KCTD8: variants seen among roughly 807,000 people sequenced by gnomAD.
The protein encoded by KCTD8 is BTB/POZ domain-containing protein KCTD8.
KCTD8 carries 27 observed loss-of-function variants against 31.5 expected under a neutral mutation model. That is an observed-to-expected ratio of 0.86 (90% confidence interval 0.63 to 1.18). The LOEUF (loss-of-function observed/expected upper bound fraction) is 1.18. Among genes scored for constraint, KCTD8 ranks in the 50% most tolerant of loss-of-function variants. The probability of loss-of-function intolerance (pLI) is 0.00; values close to 1 mark genes in which losing one functional copy is unlikely to be tolerated. For synonymous variants in KCTD8, 290 were observed against 280.0 expected (o/e 1.04, Z -0.36); for missense variants, 658 against 647.7 (o/e 1.02, Z -0.17).
chr4:44,215,951 T>C (rs2109345703), intron 1 of KCTD8, among the ~76,000 whole-genome samples: 1 of 152,244 alleles, frequency 6.6e-6, no homozygotes, highest in African/African-American at 2.4e-5. Flanking sequence ...TATGGTGAGG[T>C]ACAGAAGGAG....
chr4:44,227,532 G>C (rs1268444139), intron 1 of KCTD8, among the ~76,000 whole-genome samples: 2 of 152,136 alleles, frequency 1.3e-5, no homozygotes, highest in African/African-American at 4.8e-5. Context: ...ATTGATTTAA[G>C]TGGGATCAAG....
At chr4:44,349,354 G>A (rs543864970) in intron 1 of KCTD8, among the ~76,000 whole-genome samples, 3 of 152,194 alleles carry the variant, frequency 2.0e-5, no homozygotes, top group African/African-American at 7.2e-5. Context: ...CTGGGCAGGG[G>A]GCACCTCAGA....
At chr4:44,349,968 G>A (rs888524696) in intron 1 of KCTD8, among the ~76,000 whole-genome samples, 1 of 152,086 alleles carries the variant, frequency 6.6e-6, no homozygotes, top group African/African-American at 2.4e-5. Context: ...AGAGAGACAA[G>A]CTTCAGAATA....
chr4:44,393,470 G>T (rs532993606), intron 1 of KCTD8, among the ~76,000 whole-genome samples: 1 of 150,734 alleles, frequency 6.6e-6, no homozygotes, highest in African/African-American at 2.4e-5. Context: ...TGCCAATAAC[G>T]TTGGTAAATG....
intron 1 of KCTD8, among the ~76,000 whole-genome samples, chr4:44,384,320 T>C (rs1343611629): frequency 6.6e-6 from 1 of 151,808 alleles, no homozygotes; most frequent in Non-Finnish European, 1.5e-5. Context: ...TGGGTGTGTA[T>C]TCAGTATGCC....
chr4:44,179,448 C>T (rs1713312033), intron 1 of KCTD8, among the ~76,000 whole-genome samples: 1 of 149,804 alleles, frequency 6.7e-6, no homozygotes, highest in African/African-American at 2.4e-5. Flanking sequence ...AATAGTTATA[C>T]ACATTAATTA....
chr4:44,425,891 C>T (rs1485948467), intron 1 of KCTD8, among the ~76,000 whole-genome samples: 1 of 151,838 alleles, frequency 6.6e-6, no homozygotes, highest in Non-Finnish European at 1.5e-5. Context: ...ATCTCCTGGA[C>T]ATTGTCTTGC....
chr4:44,393,943 C>T (rs1307266330), intron 1 of KCTD8, among the ~76,000 whole-genome samples: 1 of 151,776 alleles, frequency 6.6e-6, no homozygotes, highest in Non-Finnish European at 1.5e-5. Flanking sequence ...TGTATATTTA[C>T]AGCTCTCTGA....
chr4:44,392,715 C>T (rs13107105), intron 1 of KCTD8, among the ~76,000 whole-genome samples: 125,039 of 151,838 alleles, frequency 0.82, 51,680 homozygotes, highest in South Asian at 0.88. Context: ...TAATCCCAAA[C>T]GGCACATATA....
intron 1 of KCTD8, among the ~76,000 whole-genome samples, chr4:44,185,266 AATCT>A (rs3068744): frequency 0.12 from 18,075 of 152,126 alleles, 1,413 homozygotes; most frequent in East Asian, 0.36. Flanking sequence ...GCAACTGTTG[AATCT>A]ATCTATTCAT....
intron 1 of KCTD8, among the ~76,000 whole-genome samples, chr4:44,326,204 C>G (rs2046855): frequency 0.5 from 76,145 of 151,432 alleles, 19,900 homozygotes; most frequent in African/African-American, 0.63. Flanking sequence ...GAAGTTTTTC[C>G]TATTTTTTTC....
intron 1 of KCTD8, among the ~76,000 whole-genome samples, chr4:44,233,854 TAAAG>T (rs1715196582): frequency 6.6e-6 from 1 of 152,236 alleles, no homozygotes; most frequent in African/African-American, 2.4e-5. Context: ...ACTATTTTAA[TAAAG>T]AAACAGTCTG....
chr4:44,301,835 G>A (rs1717633305), intron 1 of KCTD8, among the ~76,000 whole-genome samples: 3 of 152,104 alleles, frequency 2.0e-5, no homozygotes, highest in Admixed American at 2.0e-4. Flanking sequence ...TTCTTCTAGG[G>A]TTTCTATGGT....
intron 1 of KCTD8, among the ~76,000 whole-genome samples, chr4:44,394,639 G>C (rs73247528): frequency 0.15 from 22,669 of 151,716 alleles, 1,877 homozygotes; most frequent in Non-Finnish European, 0.19. Flanking sequence ...AATTCAAATC[G>C]GATAATTTGA....
At chr4:44,286,521 T>C (rs1717075184) in intron 1 of KCTD8, among the ~76,000 whole-genome samples, 1 of 152,110 alleles carries the variant, frequency 6.6e-6, no homozygotes, top group Non-Finnish European at 1.5e-5. Context: ...CCACCTTGTT[T>C]CTCACTTATA....
chr4:44,295,856 A>T (rs1717414593), intron 1 of KCTD8, among the ~76,000 whole-genome samples: 1 of 152,198 alleles, frequency 6.6e-6, no homozygotes, highest in African/African-American at 2.4e-5. Context: ...GCAATATGCA[A>T]TTATTAATAT....
intron 1 of KCTD8, among the ~76,000 whole-genome samples, chr4:44,429,427 C>T (rs1721419236): frequency 6.6e-6 from 1 of 151,690 alleles, no homozygotes; most frequent in South Asian, 2.1e-4. Context: ...GAAAGAAGTA[C>T]CTACTGGATT....
chr4:44,212,100 G>T (rs1266257735), intron 1 of KCTD8, among the ~76,000 whole-genome samples: 1 of 152,154 alleles, frequency 6.6e-6, no homozygotes, highest in Non-Finnish European at 1.5e-5. Context: ...GCTATCAAAA[G>T]ATAGCACAAG....
rs550167323 is a variant in KCTD8, at chr4:44,305,470, G to T, written c.962-130220C>A. On this transcript the variant is annotated intron_variant, in intron 1 of 1. Coordinates refer to ENST00000360029, the MANE Select transcript of KCTD8 (RefSeq NM_198353.3). ...ATCAAATTTTAAAAGCAAAGATAAA[G>T]AGAATCACTTCTCTTTATTAAACAA... Among the ~76,000 whole-genome samples the T allele has an allele frequency of 2.0e-5, 3 of 151,584 alleles. No homozygotes were observed. The East Asian group carries it at 5.8e-4, about 29-fold the overall frequency.
Sources: allele counts gnomAD v4.1 joint callset (sites outside exome capture counted in the v4.1 genomes callset), GRCh38; gene constraint gnomAD v4.1.1; transcripts MANE v1.5; gene names NCBI Gene and HGNC (gene_info 2026-07-23, HGNC 2026-07-21).